Variants in SAMD14 observed in about 807,000 individuals in gnomAD.
SAMD14 encodes sterile alpha motif domain-containing protein 14.
In SAMD14, 27 loss-of-function variants were observed where a neutral mutation model predicts 46.2. That is an observed-to-expected ratio of 0.58 (90% CI 0.43 to 0.81). The LOEUF (loss-of-function observed/expected upper bound fraction) is 0.81, where lower values mean the gene tolerates loss of function less well. SAMD14 is among the 30% of genes least tolerant of loss of function. The pLI is 0.00. For synonymous variants in SAMD14, 241 were observed against 254.3 expected (o/e 0.95, Z 0.50); for missense variants, 559 against 582.2 (o/e 0.96, Z 0.41).
In SAMD14 at chr17:50,117,600, A is replaced by G. The variant is rs1911283414; in HGVS notation, c.306T>C (p.Pro102=). The G allele has an allele frequency of 2.6e-6, 4 of 1,555,396 alleles. No individual in the cohort carries two copies. The highest frequency in any genetic ancestry group is 2.5e-5 in the East Asian group (1 of 40,418). Reference sequence around the variant, plus strand: ...CGTCCAGGCTGCGCCGCAACCCCGGAGGATCCAGGCAGAAAGAGCCCCCGG... The same window carrying G: ...CGTCCAGGCTGCGCCGCAACCCCGGGGGATCCAGGCAGAAAGAGCCCCCGG... ...SPAGGSFCLD[P]PGLRRSLDED... The change falls in exon 4 of 10, where the codon CCT becomes CCC. Residue 102 remains proline, a synonymous_variant. Transcript: ENST00000330175.
intron 2 of SAMD14, 151 bp downstream of exon 2, chr17:50,124,766 C>T (rs947718600): frequency 3.5e-5 from 24 of 678,724 alleles, no homozygotes; most frequent in South Asian, 1.5e-4. Context: ...CGTGCACGCG[C>T]GCGCGCACAC....
intron 1 of SAMD14, among the ~76,000 whole-genome samples, chr17:50,127,843 C>T (rs1024424833): frequency 6.6e-6 from 1 of 152,168 alleles, no homozygotes; most frequent in Non-Finnish European, 1.5e-5. Flanking sequence ...ACCACAAAGC[C>T]TTATCTGGCT....
At chr17:50,125,625 C>T (rs1911732425) in intron 1 of SAMD14, among the ~76,000 whole-genome samples, 1 of 152,138 alleles carries the variant, frequency 6.6e-6, no homozygotes, top group Admixed American at 6.5e-5. Context: ...GCCATCTGTC[C>T]ATCCACCTAT....
chr17:50,110,103 G>A lies in SAMD14; in HGVS notation c.*2790C>T, dbSNP rs529310108. 79 of 1,594,776 alleles carry A rather than the reference G, an allele frequency of 5.0e-5. No homozygotes were observed. The highest frequency in any genetic ancestry group is 6.6e-5 in the Non-Finnish European group (77 of 1,168,732). On this transcript the variant is annotated 3_prime_UTR_variant, in exon 10 of 10. Coordinates refer to ENST00000330175, the MANE Select transcript of SAMD14 (RefSeq NM_001257359.2). ...CCACGTACCGCGTCAGCTAAGGGCC[G>A]CCGTGCATCTGCACCTGAGAGGACG...
chr17:50,114,868 C>T lies in SAMD14; in HGVS notation c.823-562G>A, dbSNP rs78826970. 4.0e-3 allele frequency: 646 copies of T among 160,606 alleles called. 3 individuals are homozygous for T. Among genetic ancestry groups the T allele is most frequent in the African/African-American group, 0.014 (594 of 41,700 alleles). The allele number at this position is 160,606 out of a possible 1,614,324, so 9.9% of individuals were successfully genotyped here. A position where few individuals can be genotyped will look rare whatever the true frequency, so the allele number is the denominator to read the frequency against. ...TGATTTTCTCCTCTGCCCAGCTGCA[C>T]GTAAGAAACAGAACCGTAGAACAAG... On this transcript the variant is annotated intron_variant, in intron 7 of 9. Transcript: ENST00000330175.
chr17:50,128,766 G>C (rs766466599), intron 1 of SAMD14, among the ~76,000 whole-genome samples: 14 of 152,170 alleles, frequency 9.2e-5, no homozygotes, highest in Non-Finnish European at 1.8e-4. Context: ...AGCAGAGACA[G>C]ACACACAAAC....
chr17:50,122,222 T>C (rs191139468), intron 2 of SAMD14, among the ~76,000 whole-genome samples: 18 of 152,252 alleles, frequency 1.2e-4, no homozygotes, highest in African/African-American at 4.1e-4. Context: ...CGGGATATGG[T>C]CGCCAATGAC....
At chr17:50,117,327 G>A in intron 4 of SAMD14, 80 bp downstream of exon 4, 1 of 1,235,960 alleles carries the variant, frequency 8.1e-7, no homozygotes, top group Non-Finnish European at 1.0e-6. Flanking sequence ...CCCTTCCGCG[G>A]CTGCGGTGCG....
chr17:50,110,066 C>A lies in SAMD14; in HGVS notation c.*2827G>T. 1 of 1,611,142 alleles carries A rather than the reference C, an allele frequency of 6.2e-7. No homozygotes were observed. ...GACTGGTGTGTGCCCAGCACGGAGC[C>A]CAAGAACACGTCCACGTACCGCGTC... On this transcript the variant is annotated 3_prime_UTR_variant, in exon 10 of 10. Transcript: ENST00000330175.
intron 2 of SAMD14, among the ~76,000 whole-genome samples, chr17:50,121,152 G>A (rs886196676): frequency 2.6e-5 from 4 of 152,198 alleles, no homozygotes; most frequent in Non-Finnish European, 4.4e-5. Context: ...CCTCTGGACC[G>A]AACTGCCTTA....
At chr17:50,118,933 T>C (rs1304548671) in intron 2 of SAMD14, among the ~76,000 whole-genome samples, 1 of 152,208 alleles carries the variant, frequency 6.6e-6, no homozygotes, top group Non-Finnish European at 1.5e-5. Context: ...TTAAGTCACT[T>C]GACTAAAGCC....
In SAMD14 at chr17:50,110,086, C is replaced by G. The variant is rs750294433; in HGVS notation, c.*2807G>C. ...GGAGCCCAAGAACACGTCCACGTAC[C>G]GCGTCAGCTAAGGGCCGCCGTGCAT... On this transcript the variant is annotated 3_prime_UTR_variant, in exon 10 of 10. Transcript: ENST00000330175. 1.9e-6 allele frequency: 3 copies of G among 1,605,820 alleles called. No individual in the cohort carries two copies. The African/African-American group carries it at 4.0e-5, about 21-fold the overall frequency.
chr17:50,114,041 G>C lies in SAMD14; in HGVS notation c.981C>G (p.Thr327=). The C allele has an allele frequency of 2.5e-6, 4 of 1,613,686 alleles. No individual in the cohort carries two copies. In the South Asian group the frequency reaches 4.4e-5, roughly 18 times the overall value. The part of the protein sequence containing the change: ...DEPLPPVHHW[T]SQQVGQWLQS... The stretch of plus-strand genomic sequence containing the variant: ...GCAGCCACTGGCCCACCTGCTGGCT[G>C]GTCCAGTGGTGGACAGGGGGGAGGG... The change falls in exon 9 of 10, where the codon ACC becomes ACG. Residue 327 remains threonine (T), a synonymous_variant. Coordinates refer to ENST00000330175, the MANE Select transcript of SAMD14 (RefSeq NM_001257359.2).
rs753250562 is a variant in SAMD14 at position 50,110,133 on chromosome 17, GC to G, written c.*2759del. The G allele has an allele frequency of 9.1e-6, 14 of 1,546,890 alleles. No homozygotes were observed. In the African/African-American group the frequency reaches 1.8e-4, roughly 19 times the overall value. On this transcript the variant is annotated 3_prime_UTR_variant, in exon 10 of 10. Transcript: ENST00000330175. Reference sequence around the variant, plus strand: ...GCATCTGCACCTGAGAGGACGGACTGCCGCCTCTGGGTCCCCCCACCGTGGT... The same window carrying G: ...GCATCTGCACCTGAGAGGACGGACTGCGCCTCTGGGTCCCCCCACCGTGGT...
At chr17:50,119,321 G>A (rs1911392629) in intron 2 of SAMD14, among the ~76,000 whole-genome samples, 2 of 152,150 alleles carry the variant, frequency 1.3e-5, no homozygotes, top group Admixed American at 6.5e-5. Context: ...CCAGTGCTGA[G>A]CTTGGCACTG....
At chr17:50,117,262 ATGAG>A in intron 4 of SAMD14, 141 bp downstream of exon 4, 1 of 778,448 alleles carries the variant, frequency 1.3e-6, no homozygotes, top group Non-Finnish European at 1.8e-6. Context: ...TCGGTAAAGA[ATGAG>A]TGAGCGGCGG....
chr17:50,124,773 A>G (rs375093360), intron 2 of SAMD14, 144 bp downstream of exon 2: 67,140 of 316,968 alleles, frequency 0.21, 2,691 homozygotes, highest in Non-Finnish European at 0.25. Context: ...GCGCGCGCGC[A>G]CACACACACA....
At chr17:50,122,840 A>G (rs1008889012) in intron 2 of SAMD14, among the ~76,000 whole-genome samples, 6 of 152,078 alleles carry the variant, frequency 3.9e-5, no homozygotes, top group East Asian at 1.9e-4. Context: ...CGAGGGGGCC[A>G]GCACAGCCTG....
chr17:50,128,048 G>A (rs1252863337), intron 1 of SAMD14, among the ~76,000 whole-genome samples: 4 of 152,250 alleles, frequency 2.6e-5, no homozygotes, highest in South Asian at 2.1e-4. Context: ...AAGGGTCCAC[G>A]TATTCTTCCG....
Sources: gnomAD v4.1 joint callset for allele counts (sites outside exome capture counted in the v4.1 genomes callset) on GRCh38, gnomAD v4.1.1 for gene constraint, MANE v1.5 for transcripts, NCBI Gene and HGNC (gene_info 2026-07-23, HGNC 2026-07-21) for gene names.